GRM5: variants seen among roughly 807,000 people sequenced by gnomAD.
GRM5 encodes the protein metabotropic glutamate receptor 5.
In GRM5, 19 loss-of-function variants were observed where a neutral mutation model predicts 83.1. The observed-to-expected ratio is 0.23, with a 90% CI of 0.16 to 0.34. The LOEUF (loss-of-function observed/expected upper bound fraction) is 0.34, where lower values mean the gene tolerates loss of function less well. Among genes scored for constraint, GRM5 ranks in the 10% least tolerant of loss-of-function variants. GRM5 has a pLI of 1.00. For missense variants in GRM5, 1,160 were observed against 1,588.3 expected (o/e 0.73, Z 4.58); for synonymous variants, 675 against 633.6 (o/e 1.07, Z -0.98).
chr11:88,781,584 T>C (rs1942977899), intron 3 of GRM5, among the ~76,000 whole-genome samples: 1 of 152,198 alleles, frequency 6.6e-6, no homozygotes, highest in Non-Finnish European at 1.5e-5. Flanking sequence ...TCATCATAAA[T>C]ACATTTGATT....
chr11:88,657,441 C>A (rs1196495201), intron 3 of GRM5, among the ~76,000 whole-genome samples: 1 of 152,126 alleles, frequency 6.6e-6, no homozygotes, highest in Non-Finnish European at 1.5e-5. Flanking sequence ...AAGGAGGATT[C>A]TTTATACATA....
intron 2 of GRM5, among the ~76,000 whole-genome samples, chr11:88,970,806 C>T (rs1165605752): frequency 6.6e-6 from 1 of 152,140 alleles, no homozygotes. Flanking sequence ...GGGAAGTGGG[C>T]AGTGGGCAGT....
At chr11:88,722,196 G>A (rs1167484809) in intron 3 of GRM5, among the ~76,000 whole-genome samples, 1 of 151,960 alleles carries the variant, frequency 6.6e-6, no homozygotes, top group Non-Finnish European at 1.5e-5. Context: ...CATTATGTTT[G>A]GTTTTAGCCT....
chr11:88,729,842 AC>A (rs1458101123), intron 3 of GRM5, among the ~76,000 whole-genome samples: 21 of 152,286 alleles, frequency 1.4e-4, no homozygotes, highest in African/African-American at 5.1e-4. Flanking sequence ...GAAAACTAAA[AC>A]TGGACCCCTT....
At chr11:88,862,327 G>T (rs1944579267) in intron 2 of GRM5, among the ~76,000 whole-genome samples, 1 of 151,860 alleles carries the variant, frequency 6.6e-6, no homozygotes, top group African/African-American at 2.4e-5. Context: ...TTCCTACATT[G>T]TTTTGTTATA....
intron 3 of GRM5, among the ~76,000 whole-genome samples, chr11:88,662,212 T>C (rs765508034): frequency 4.6e-5 from 7 of 152,154 alleles, no homozygotes; most frequent in Admixed American, 2.0e-4. Context: ...ACTAGCCTTA[T>C]AACTGAGGAA....
chr11:88,844,346 T>C (rs1026555164), intron 3 of GRM5, among the ~76,000 whole-genome samples: 1 of 149,640 alleles, frequency 6.7e-6, no homozygotes, highest in Non-Finnish European at 1.5e-5. Flanking sequence ...AAGTCTACTT[T>C]TCAGAATTAC....
At chr11:88,663,513 C>A (rs933981481) in intron 3 of GRM5, among the ~76,000 whole-genome samples, 1 of 152,148 alleles carries the variant, frequency 6.6e-6, no homozygotes, top group Non-Finnish European at 1.5e-5. Flanking sequence ...CAAAATGATC[C>A]ATTTCAACAG....
At chr11:88,869,776 C>G (rs1590926664) in intron 2 of GRM5, among the ~76,000 whole-genome samples, 1 of 151,354 alleles carries the variant, frequency 6.6e-6, no homozygotes, top group South Asian at 2.1e-4. Flanking sequence ...ATGGTTCCAA[C>G]CTCATGAAGA....
intron 6 of GRM5, among the ~76,000 whole-genome samples, chr11:88,593,355 AATATT>A (rs1015041716): frequency 3.0e-4 from 45 of 152,244 alleles, no homozygotes; most frequent in South Asian, 1.0e-3. Flanking sequence ...GGACTAAGCA[AATATT>A]ATTACAAAAT....
At chr11:88,982,954 T>C (rs564410544) in intron 2 of GRM5, among the ~76,000 whole-genome samples, 1 of 152,308 alleles carries the variant, frequency 6.6e-6, no homozygotes, top group South Asian at 2.1e-4. Context: ...TAATCTCAGC[T>C]ACTCAGGAAG....
intron 3 of GRM5, among the ~76,000 whole-genome samples, chr11:88,775,630 G>A (rs1261905070): frequency 6.6e-6 from 1 of 152,106 alleles, no homozygotes; most frequent in African/African-American, 2.4e-5. Flanking sequence ...AGAGATTCTG[G>A]TATGTTGTGT....
chr11:88,720,539 G>C (rs1941509222), intron 3 of GRM5, among the ~76,000 whole-genome samples: 1 of 151,738 alleles, frequency 6.6e-6, no homozygotes, highest in Non-Finnish European at 1.5e-5. Context: ...AGGCTATGAA[G>C]TTTCACCCCA....
At position 88,935,799 on chromosome 11, in the gene GRM5, G is replaced by A. The variant is rs188792614; in HGVS notation, c.662-85644C>T. On this transcript the variant is annotated intron_variant, in intron 2 of 9. Transcript: ENST00000305447. Reference sequence around the variant, plus strand: ...TTAGGTTGTTCATATATTATTTCCCGTTAATTATATTTTTTGTTAAAAGAT... The same window carrying A: ...TTAGGTTGTTCATATATTATTTCCCATTAATTATATTTTTTGTTAAAAGAT... Among the ~76,000 whole-genome samples, 399 of 151,896 alleles carry A rather than the reference G, an allele frequency of 2.6e-3. 3 individuals are homozygous for A. The highest frequency in any genetic ancestry group is 8.1e-3 in the African/African-American group (338 of 41,490).
intron 8 of GRM5, among the ~76,000 whole-genome samples, chr11:88,535,172 T>G (rs1244258871): frequency 6.6e-6 from 1 of 152,198 alleles, no homozygotes; most frequent in Non-Finnish European, 1.5e-5. Context: ...TCCTTTGCAT[T>G]GTCACATTCT....
rs1373998350 is a variant in GRM5 at position 88,637,444 on chromosome 11, A to T, written c.1147+15724T>A. 6.6e-5 allele frequency among the ~76,000 whole-genome samples: 10 copies of T among 152,304 alleles called. No individual in the cohort carries two copies. The East Asian group carries it at 1.9e-3, about 29-fold the overall frequency. ...AATATCCAGAATCTACAGTGAACTC[A>T]AACAAATTTACAAGGAAAAAACAAA... On this transcript the variant is annotated intron_variant, in intron 4 of 9. Coordinates refer to ENST00000305447, the MANE Select transcript of GRM5 (RefSeq NM_001143831.3).
intron 2 of GRM5, among the ~76,000 whole-genome samples, chr11:88,991,462 C>A (rs973978694): frequency 1.3e-5 from 2 of 151,878 alleles, no homozygotes. Flanking sequence ...GATTCAATGC[C>A]ATCCCCATCA....
chr11:88,715,101 C>T (rs1273547224), intron 3 of GRM5, among the ~76,000 whole-genome samples: 2 of 151,958 alleles, frequency 1.3e-5, no homozygotes, highest in Non-Finnish European at 2.9e-5. Context: ...TAAAAATCCT[C>T]TGAAATAGAC....
chr11:88,802,766 G>C (rs1943423678), intron 3 of GRM5, among the ~76,000 whole-genome samples: 1 of 149,866 alleles, frequency 6.7e-6, no homozygotes, highest in Non-Finnish European at 1.5e-5. Context: ...CAGATGACAT[G>C]ATTGTATATC....
Sources: allele counts gnomAD v4.1 joint callset (sites outside exome capture counted in the v4.1 genomes callset), GRCh38; gene constraint gnomAD v4.1.1; transcripts MANE v1.5; gene names NCBI Gene and HGNC (gene_info 2026-07-23, HGNC 2026-07-21).